Variants in WNT9A observed in about 807,000 individuals in gnomAD.
WNT9A encodes protein Wnt-9a.
WNT9A carries 8 observed loss-of-function variants against 31.4 expected under a neutral mutation model. The ratio of observed to expected loss-of-function variants is 0.26; its 90% CI spans 0.15 to 0.46. The LOEUF is 0.46. Among genes scored for constraint, WNT9A ranks in the 20% least tolerant of loss-of-function variants. The pLI is 0.99. For missense variants in WNT9A, 457 were observed against 522.9 expected (o/e 0.87, Z 1.23); for synonymous variants, 236 against 220.1 (o/e 1.07, Z -0.64).
intron 1 of WNT9A, among the ~76,000 whole-genome samples, chr1:227,931,282 C>T (rs1434699874): frequency 6.6e-6 from 1 of 152,146 alleles, no homozygotes. Flanking sequence ...AGATGTCTTC[C>T]GATAGTGTCT....
intron 1 of WNT9A, among the ~76,000 whole-genome samples, chr1:227,940,002 G>A (rs1327292465): frequency 2.0e-5 from 3 of 152,214 alleles, no homozygotes; most frequent in Non-Finnish European, 4.4e-5. Flanking sequence ...AGGATGGCAC[G>A]GGTGGCCTGT....
intron 1 of WNT9A, among the ~76,000 whole-genome samples, chr1:227,946,873 C>G (rs1252152148): frequency 1.3e-5 from 2 of 152,078 alleles, no homozygotes; most frequent in Non-Finnish European, 2.9e-5. Context: ...AGGGAGCGGC[C>G]CAGGGCGTCC....
rs539861066 is a variant in WNT9A at position 227,945,880 on chromosome 1, T to C, written c.95+1913A>G. Among the ~76,000 whole-genome samples, 9 of 152,160 alleles carry C rather than the reference T, an allele frequency of 5.9e-5. No homozygotes were observed. The South Asian group carries it at 1.9e-3, about 32-fold the overall frequency. On this transcript the variant is annotated intron_variant, in intron 1 of 3. Transcript: ENST00000272164. ...GGCCTCCAGCAGCCCAGATGGAACCTGGCCTGCCCTGACCCAGGATGCCCC... is the reference window on the plus strand; with the variant it reads ...GGCCTCCAGCAGCCCAGATGGAACCCGGCCTGCCCTGACCCAGGATGCCCC...
rs574888340 is a variant in WNT9A at position 227,925,061 on chromosome 1, G to A, written c.352+202C>T. Among the ~76,000 whole-genome samples the A allele has an allele frequency of 3.4e-4, 52 of 152,324 alleles. No homozygotes were observed. In the South Asian group the frequency reaches 0.01, roughly 30 times the overall value. On this transcript the variant is annotated intron_variant, in intron 2 of 3. Coordinates refer to ENST00000272164, the MANE Select transcript of WNT9A (RefSeq NM_003395.4). The surrounding 1 kb of genome is among the most constrained non-coding windows in gnomAD (Gnocchi z 6.0). The stretch of plus-strand genomic sequence containing the variant: ...CCCTGGCCACCAGCAACGACTGTGC[G>A]TGTGCCTAAAGCAAGGCAGGGCAGG...
chr1:227,922,050 G>A, intron 3 of WNT9A, 50 bp from the exon 4 acceptor site: 1 of 1,551,426 alleles, frequency 6.4e-7, no homozygotes, highest in Non-Finnish European at 8.7e-7. Flanking sequence ...GTGCAGGTGG[G>A]CCCAGTGAGC....
Position 227,942,753 on chromosome 1 carries a change from AG to A in WNT9A, c.95+5039del, listed in dbSNP as rs1484090537. ...TTCCTGGGGTGTCCTAAGTTGTTGG[AG>A]GGGGTGGGTCTCCAGGACAGTGCCT... is the stretch of plus-strand genomic sequence containing the variant. On this transcript the variant is annotated intron_variant, in intron 1 of 3. Coordinates refer to ENST00000272164, the MANE Select transcript of WNT9A (RefSeq NM_003395.4). This position sits in a 1 kb window ranked among gnomAD's most constrained non-coding sequence, Gnocchi z 5.7. 6.6e-6 allele frequency among the ~76,000 whole-genome samples: 1 copy of A among 151,912 alleles called. No individual in the cohort carries two copies. Among genetic ancestry groups the A allele is most frequent in the African/African-American group, 2.4e-5 (1 of 41,390 alleles).
chr1:227,927,437 C>T (rs1291748073), intron 1 of WNT9A, among the ~76,000 whole-genome samples: 2 of 152,144 alleles, frequency 1.3e-5, no homozygotes, highest in Admixed American at 6.5e-5. Context: ...TGGAAGAGGC[C>T]GCCTGGGTGA....
In WNT9A at chr1:227,938,286, T is replaced by G. The variant is rs569791340; in HGVS notation, c.95+9507A>C. Among the ~76,000 whole-genome samples the G allele has an allele frequency of 4.5e-5, 6 of 132,366 alleles. No individual in the cohort carries two copies. The Admixed American group carries it at 4.7e-4, about 10-fold the overall frequency. 86.8% of individuals were successfully genotyped at this position (132,366 alleles called of 152,430 possible). On this transcript the variant is annotated intron_variant, in intron 1 of 3. Coordinates refer to ENST00000272164, the MANE Select transcript of WNT9A (RefSeq NM_003395.4). ...ACCCCCATACAAACCCATAAACCCA[T>G]ACACACACGCATACACACACACATA...
At chr1:227,944,246 G>A (rs760655741) in intron 1 of WNT9A, among the ~76,000 whole-genome samples, 1 of 152,316 alleles carries the variant, frequency 6.6e-6, no homozygotes, top group Middle Eastern at 3.4e-3. Flanking sequence ...CGGTGATGCT[G>A]AGTGAGAGAA....
intron 1 of WNT9A, among the ~76,000 whole-genome samples, chr1:227,944,945 G>A (rs1666771279): frequency 6.6e-6 from 1 of 152,248 alleles, no homozygotes; most frequent in Non-Finnish European, 1.5e-5. Context: ...AAGGTGCCAG[G>A]GAGCCAGGCA....
At chr1:227,923,750 C>T (rs968980616) in intron 3 of WNT9A, among the ~76,000 whole-genome samples, 1 of 152,114 alleles carries the variant, frequency 6.6e-6, no homozygotes, top group African/African-American at 2.4e-5. Flanking sequence ...TCCCACCGGT[C>T]TTCGTGACAA....
rs1666394590 is a variant in WNT9A at position 227,925,160 on chromosome 1, C to T, written c.352+103G>A. 1.5e-5 allele frequency: 21 copies of T among 1,410,392 alleles called. No individual in the cohort carries two copies. Among genetic ancestry groups the T allele is most frequent in the Non-Finnish European group, 1.8e-5 (19 of 1,082,310 alleles). 87.4% of individuals were successfully genotyped at this position (1,410,392 alleles called of 1,614,324 possible). A position where few individuals can be genotyped will look rare whatever the true frequency, so the allele number is the denominator to read the frequency against. Reference sequence around the variant, plus strand: ...GGAGCTCTGGGCAGGCTGGGCCCGGCGTCCCCAGGAGCGCAGCCTAAGAGG... The same window carrying T: ...GGAGCTCTGGGCAGGCTGGGCCCGGTGTCCCCAGGAGCGCAGCCTAAGAGG... On this transcript the variant is annotated intron_variant, in intron 2 of 3. Transcript: ENST00000272164. The surrounding 1 kb of genome is among the most constrained non-coding windows in gnomAD (Gnocchi z 6.0).
rs980670119 is a variant in WNT9A at position 227,921,762 on chromosome 1, C to A, written c.854G>T (p.Arg285Leu). Residue 285 changes from arginine to leucine, a missense_variant, in exon 4 of 4, where the codon CGC (arginine) becomes CTC (leucine). Transcript: ENST00000272164. Reference sequence around the variant, plus strand: ...ATCCAGGTGCACCAGCTCTGGAGTGCGGGGCAGCGGGTCGCTGCCACCTGC... The same window carrying A: ...ATCCAGGTGCACCAGCTCTGGAGTGAGGGGCAGCGGGTCGCTGCCACCTGC... ...SGAGGSDPLP[R>L]TPELVHLDDS... 2 of 1,612,256 alleles carry A rather than the reference C, an allele frequency of 1.2e-6. No homozygotes were observed. Among genetic ancestry groups the A allele is most frequent in the Non-Finnish European group, 1.7e-6 (2 of 1,179,666 alleles).
chr1:227,924,090 G>A (rs756866474), intron 3 of WNT9A, 48 bp downstream of exon 3: 12 of 335,036 alleles, frequency 3.6e-5, no homozygotes, highest in South Asian at 3.4e-4. Context: ...ACCCCCTGAC[G>A]CTCTTTCTGA....
chr1:227,921,265 G>C lies in WNT9A; in HGVS notation c.*253C>G. ...AGGGATTCAGCCTTGGCAGGTGTAG[G>C]CCCATTCATGCTCTGTGCAATGCCT... On this transcript the variant is annotated 3_prime_UTR_variant, in exon 4 of 4. Coordinates refer to ENST00000272164, the MANE Select transcript of WNT9A (RefSeq NM_003395.4). 1 of 510,312 alleles carries C rather than the reference G, an allele frequency of 2.0e-6. No individual in the cohort carries two copies. 31.6% of individuals were successfully genotyped at this position (510,312 alleles called of 1,614,324 possible).
intron 3 of WNT9A, among the ~76,000 whole-genome samples, chr1:227,923,869 G>A (rs1666367151): frequency 6.6e-6 from 1 of 152,134 alleles, no homozygotes; most frequent in Non-Finnish European, 1.5e-5. Flanking sequence ...GGGCCCCTCT[G>A]CAGGCAGACA....
At chr1:227,922,199 G>A (rs774508144) in intron 3 of WNT9A, among the ~76,000 whole-genome samples, 199 bp from the exon 4 acceptor site, 14 of 152,184 alleles carry the variant, frequency 9.2e-5, no homozygotes, top group Non-Finnish European at 2.1e-4. Context: ...CCAGGCTGCC[G>A]ACTGCCCAAG....
intron 1 of WNT9A, among the ~76,000 whole-genome samples, chr1:227,943,084 A>T (rs751291197): frequency 5.3e-5 from 8 of 152,200 alleles, no homozygotes; most frequent in Non-Finnish European, 1.2e-4. Context: ...CACAGCCAGC[A>T]GCCTCCCTCT....
At chr1:227,934,583 C>G (rs575504692) in intron 1 of WNT9A, among the ~76,000 whole-genome samples, 78 of 152,278 alleles carry the variant, frequency 5.1e-4, no homozygotes, top group African/African-American at 1.6e-3. Flanking sequence ...TTACTGTTGG[C>G]ACTATTTCCA....
Sources: allele counts gnomAD v4.1 joint callset (sites outside exome capture counted in the v4.1 genomes callset), GRCh38; gene constraint gnomAD v4.1.1; non-coding constraint Gnocchi (gnomAD v3.1); transcripts MANE v1.5; gene names NCBI Gene and HGNC (gene_info 2026-07-23, HGNC 2026-07-21).